The following PFKP variants were observed in gnomAD, a reference collection of about 807,000 sequenced individuals.
PFKP encodes ATP-dependent 6-phosphofructokinase, platelet type.
In PFKP, 101 loss-of-function variants were observed where a neutral mutation model predicts 94.3. The observed-to-expected ratio is 1.07, with a 90% CI of 0.91 to 1.26. The LOEUF (loss-of-function observed/expected upper bound fraction) is 1.26, where lower values mean the gene tolerates loss of function less well. Ranked by LOEUF, PFKP falls within the 50% of genes most tolerant of loss-of-function variation. The probability of loss-of-function intolerance (pLI) is 0.00; values close to 1 mark genes in which losing one functional copy is unlikely to be tolerated. For missense variants in PFKP, 1,145 were observed against 1,103.3 expected, an observed-to-expected ratio of 1.04 and a Z score of -0.53; for synonymous variants, 573 against 432.6, an observed-to-expected ratio of 1.32 and a Z score of -4.03.
chr10:3,111,210 T>TTG (rs1027439692), intron 10 of PFKP, among the ~76,000 whole-genome samples: 3 of 151,656 alleles, frequency 2.0e-5, no homozygotes, highest in African/African-American at 4.9e-5. Context: ...GCCTGCATGT[T>TTG]TGTGTGTGTG....
At chr10:3,129,136 G>A (rs1459957536) in intron 16 of PFKP, 2 of 152,254 alleles carry the variant, frequency 1.3e-5, no homozygotes, top group Non-Finnish European at 2.9e-5. Context: ...GTGGGAAGGC[G>A]GCCGATGCAT....
chr10:3,125,188 A>T (rs750949405), intron 16 of PFKP: 2 of 1,349,704 alleles, frequency 1.5e-6, no homozygotes, highest in Non-Finnish European at 2.0e-6. Context: ...ACGATTAGCA[A>T]CAATGTCCCA....
At chr10:3,079,523 C>G (rs190496162) in intron 1 of PFKP, among the ~76,000 whole-genome samples, 1 of 151,974 alleles carries the variant, frequency 6.6e-6, no homozygotes, top group Non-Finnish European at 1.5e-5. Flanking sequence ...CGTGAGCCAC[C>G]GTGCCCAGCC....
At chr10:3,128,073 T>G (rs923351043) in intron 16 of PFKP, among the ~76,000 whole-genome samples, 1 of 151,618 alleles carries the variant, frequency 6.6e-6, no homozygotes, top group African/African-American at 2.4e-5. Flanking sequence ...CATTAGGGAA[T>G]CCTGCAGGAT....
At chr10:3,075,504 G>A (rs954351257) in intron 1 of PFKP, among the ~76,000 whole-genome samples, 12 of 150,280 alleles carry the variant, frequency 8.0e-5, no homozygotes, top group African/African-American at 3.0e-4. Flanking sequence ...TTTCTCCAAC[G>A]GGAGAATCTC....
At chr10:3,078,505 C>T (rs774398285) in intron 1 of PFKP, among the ~76,000 whole-genome samples, 62 of 152,314 alleles carry the variant, frequency 4.1e-4, no homozygotes, top group African/African-American at 1.4e-3. Context: ...GTCTCCACTC[C>T]CAGGCAATTA....
chr10:3,113,753 G>A (rs1188333758), intron 13 of PFKP, among the ~76,000 whole-genome samples: 2 of 152,116 alleles, frequency 1.3e-5, no homozygotes, highest in African/African-American at 2.4e-5. Context: ...AAAAGGTGCT[G>A]GGGGATGGCA....
chr10:3,070,272 C>T (rs1466637368), intron 1 of PFKP: 1 of 152,262 alleles, frequency 6.6e-6, no homozygotes, highest in East Asian at 1.9e-4. Flanking sequence ...CAGATGTACT[C>T]AGAGGGCCTG....
rs889960571 is a variant in PFKP at position 3,136,695 on chromosome 10, G to C, written c.*116G>C. ...ATTGACATTAATACCTAATCGGCGA[G>C]TGCCCATCTGCCCCACCTGCTCCAG... On this transcript the variant is annotated 3_prime_UTR_variant, in exon 22 of 22. Coordinates refer to ENST00000381125, the MANE Select transcript of PFKP (RefSeq NM_002627.5). The C allele has an allele frequency of 7.1e-6, 8 of 1,124,464 alleles. No individual in the cohort carries two copies. Among genetic ancestry groups the C allele is most frequent in the South Asian group, 1.5e-5 (1 of 66,686 alleles). The allele number at this position is 1,124,464 out of a possible 1,614,324, so 69.7% of individuals were successfully genotyped here.
rs1839423592 is a variant in PFKP, at chr10:3,136,726, GCTGT to G, written c.*152_*155del. 1.4e-6 allele frequency: 1 copy of G among 705,236 alleles called. No individual in the cohort carries two copies. The allele number at this position is 705,236 out of a possible 1,614,324, so 43.7% of individuals were successfully genotyped here. On this transcript the variant is annotated 3_prime_UTR_variant, in exon 22 of 22. Transcript: ENST00000381125. ...ATCTGCCCCACCTGCTCCAGTGCGT[GCTGT>G]CTGTGGAGTGTGTCTCATGCTTTCA...
intron 9 of PFKP, 118 bp from the exon 10 acceptor site, chr10:3,109,237 A>C: frequency 7.5e-7 from 1 of 1,339,930 alleles, no homozygotes; most frequent in Non-Finnish European, 1.1e-6. Context: ...GTTGGGCTGG[A>C]AGCGGGAGGG....
intron 3 of PFKP, among the ~76,000 whole-genome samples, chr10:3,100,279 C>T (rs1208523588): frequency 6.6e-6 from 1 of 151,926 alleles, no homozygotes; most frequent in Non-Finnish European, 1.5e-5. Flanking sequence ...GCACCCCTGC[C>T]CTGCTCTGCG....
At chr10:3,126,465 C>T (rs531965119) in intron 16 of PFKP, among the ~76,000 whole-genome samples, 26 of 152,256 alleles carry the variant, frequency 1.7e-4, no homozygotes, top group Non-Finnish European at 3.1e-4. Context: ...TGTCCATGCA[C>T]ACTTCCACCC....
At chr10:3,129,540 G>A (rs1838317034) in intron 16 of PFKP, 9 of 436,432 alleles carry the variant, frequency 2.1e-5, no homozygotes, top group South Asian at 5.9e-5. Context: ...CCCCTTCTAT[G>A]GGGCCTGGGA....
chr10:3,099,234 A>C (rs138573995), intron 2 of PFKP, 41 bp from the exon 3 acceptor site: 8 of 1,446,028 alleles, frequency 5.5e-6, no homozygotes, highest in Non-Finnish European at 9.7e-7. Flanking sequence ...CATTTAGTGA[A>C]GTTTATCTCA....
intron 4 of PFKP, 107 bp downstream of exon 4, chr10:3,101,661 A>G (rs1835009393): frequency 1.4e-6 from 1 of 739,652 alleles, no homozygotes; most frequent in African/African-American, 1.8e-5. Flanking sequence ...CTTCTCACAG[A>G]TCTTACAGGT....
At chr10:3,127,385 G>A (rs993693354) in intron 16 of PFKP, among the ~76,000 whole-genome samples, 4 of 152,326 alleles carry the variant, frequency 2.6e-5, no homozygotes, top group Middle Eastern at 3.4e-3. Context: ...TGCTTTGCCC[G>A]CAGAATTCTT....
chr10:3,116,802 C>G lies in PFKP; in HGVS notation c.1398C>G (p.Val466=), dbSNP rs553540776. The G allele has an allele frequency of 6.2e-7, 1 of 1,613,668 alleles. No homozygotes were observed. The highest frequency in any genetic ancestry group is 8.5e-7 in the Non-Finnish European group (1 of 1,179,540). ...GQIKEIGWTD[V]GGWTGQGGSI... ...TCAAAGAAATCGGCTGGACAGATGT[C>G]GGGGGCTGGACCGGCCAAGGAGGCT... is the stretch of plus-strand genomic sequence containing the variant. Residue 466 remains valine (V), a synonymous_variant, in exon 14 of 22, where the codon GTC becomes GTG. Transcript: ENST00000381125.
chr10:3,126,172 T>G (rs1245142922), intron 16 of PFKP, among the ~76,000 whole-genome samples: 1 of 152,200 alleles, frequency 6.6e-6, no homozygotes, highest in East Asian at 1.9e-4. Context: ...GGGTACTTCC[T>G]TCAGAGCTGA....
Sources: gnomAD v4.1 joint callset for allele counts (sites outside exome capture counted in the v4.1 genomes callset) on GRCh38, gnomAD v4.1.1 for gene constraint, MANE v1.5 for transcripts, NCBI Gene and HGNC (gene_info 2026-07-23, HGNC 2026-07-21) for gene names.